Variants in ASIC2 observed in about 807,000 individuals in gnomAD.
ASIC2 encodes the protein acid-sensing ion channel 2.
In ASIC2, 25 loss-of-function variants were observed where a neutral mutation model predicts 57.3. That is an observed-to-expected ratio of 0.44 (90% CI 0.32 to 0.61). The LOEUF (loss-of-function observed/expected upper bound fraction) is 0.61. Among genes scored for constraint, ASIC2 ranks in the 20% least tolerant of loss-of-function variants. ASIC2 has a pLI of 0.06. For missense variants in ASIC2, 641 were observed against 738.1 expected (o/e 0.87, Z 1.52); for synonymous variants, 319 against 307.5 (o/e 1.04, Z -0.39).
chr17:33,200,449 G>A (rs1461569997), intron 1 of ASIC2, among the ~76,000 whole-genome samples: 1 of 152,190 alleles, frequency 6.6e-6, no homozygotes, highest in Non-Finnish European at 1.5e-5. Context: ...TCACTCGGAT[G>A]TTCAAGCCTG....
chr17:33,972,634 A>C (rs1386179089), intron 1 of ASIC2, among the ~76,000 whole-genome samples: 2 of 152,246 alleles, frequency 1.3e-5, no homozygotes, highest in Non-Finnish European at 2.9e-5. Flanking sequence ...CCTCAAGCTA[A>C]GGTGTGAAAA....
intron 1 of ASIC2, among the ~76,000 whole-genome samples, chr17:33,742,068 G>A (rs1007647667): frequency 2.6e-5 from 4 of 152,226 alleles, no homozygotes; most frequent in African/African-American, 9.6e-5. Context: ...AATGGGGCCT[G>A]CATATAGTCC....
intron 1 of ASIC2, among the ~76,000 whole-genome samples, chr17:33,497,490 A>G (rs1032383412): frequency 1.1e-4 from 16 of 152,058 alleles, no homozygotes; most frequent in Non-Finnish European, 2.2e-4. Flanking sequence ...ACCTCGAAGG[A>G]AAGAGCTGGC....
At chr17:34,054,976 A>G (rs1022118351) in intron 1 of ASIC2, among the ~76,000 whole-genome samples, 10 of 152,244 alleles carry the variant, frequency 6.6e-5, no homozygotes, top group African/African-American at 2.4e-4. Context: ...ATGGAAGAAG[A>G]GAGGTCCATC....
chr17:33,143,161 C>G (rs1959398457), intron 1 of ASIC2, among the ~76,000 whole-genome samples: 1 of 152,148 alleles, frequency 6.6e-6, no homozygotes. Context: ...AGGTAGGTTG[C>G]TTAGACCGCT....
chr17:33,353,953 G>T (rs924910307), intron 1 of ASIC2, among the ~76,000 whole-genome samples: 3 of 152,158 alleles, frequency 2.0e-5, no homozygotes, highest in Non-Finnish European at 4.4e-5. Flanking sequence ...AAGGAAATAG[G>T]TTTAATGGAC....
intron 1 of ASIC2, among the ~76,000 whole-genome samples, chr17:33,903,708 G>A (rs75147330): frequency 6.6e-6 from 1 of 152,118 alleles, no homozygotes; most frequent in African/African-American, 2.4e-5. Context: ...AACAACCAGG[G>A]GTTTGGACAT....
chr17:33,280,466 TACAA>T (rs1255379296), intron 1 of ASIC2, among the ~76,000 whole-genome samples: 2 of 152,148 alleles, frequency 1.3e-5, no homozygotes, highest in African/African-American at 4.8e-5. Flanking sequence ...CCAAGTACCA[TACAA>T]ACATAGAGCT....
intron 1 of ASIC2, among the ~76,000 whole-genome samples, chr17:33,382,763 A>G (rs1344382472): frequency 1.3e-5 from 2 of 152,216 alleles, no homozygotes; most frequent in African/African-American, 4.8e-5. Context: ...CGTCATCTTC[A>G]TCTGTTCATG....
chr17:33,951,066 C>A (rs1416387562), intron 1 of ASIC2, among the ~76,000 whole-genome samples: 1 of 152,182 alleles, frequency 6.6e-6, no homozygotes, highest in Non-Finnish European at 1.5e-5. Context: ...GTCAATTAAT[C>A]TCTTTATCTC....
intron 1 of ASIC2, among the ~76,000 whole-genome samples, chr17:33,897,972 C>T (rs570556356): frequency 6.4e-4 from 97 of 152,232 alleles, no homozygotes; most frequent in East Asian, 2.7e-3. Flanking sequence ...ACTAGTTATC[C>T]TCAAACTGAA....
At chr17:33,342,508 T>C (rs1302498077) in intron 1 of ASIC2, among the ~76,000 whole-genome samples, 2 of 152,158 alleles carry the variant, frequency 1.3e-5, no homozygotes, top group African/African-American at 4.8e-5. Flanking sequence ...TTCTATTACC[T>C]GATGTTGCTA....
chr17:33,829,705 G>T (rs1057290830), intron 1 of ASIC2, among the ~76,000 whole-genome samples: 2 of 151,730 alleles, frequency 1.3e-5, no homozygotes, highest in African/African-American at 2.4e-5. Context: ...GCCTCCTGAG[G>T]GATTACAGGC....
intron 1 of ASIC2, among the ~76,000 whole-genome samples, chr17:33,119,985 T>C (rs1597587577): frequency 6.6e-6 from 1 of 152,316 alleles, no homozygotes; most frequent in East Asian, 1.9e-4. Flanking sequence ...CTCCGTCTGT[T>C]AAGGCTCACA....
At chr17:33,941,265 A>C (rs538862223) in intron 1 of ASIC2, among the ~76,000 whole-genome samples, 1 of 152,240 alleles carries the variant, frequency 6.6e-6, no homozygotes, top group South Asian at 2.1e-4. Context: ...CAGACAGGAG[A>C]GTCTTTCAGA....
chr17:33,876,535 A>G (rs984187101), intron 1 of ASIC2, among the ~76,000 whole-genome samples: 1 of 152,230 alleles, frequency 6.6e-6, no homozygotes, highest in African/African-American at 2.4e-5. Context: ...ACTTGATTGT[A>G]CTATCTCCAT....
At chr17:33,933,008 C>T (rs537170074) in intron 1 of ASIC2, among the ~76,000 whole-genome samples, 57 of 152,138 alleles carry the variant, frequency 3.7e-4, no homozygotes, top group African/African-American at 1.4e-3. Flanking sequence ...CTTCTGATTC[C>T]TTCCTCAAGA....
chr17:33,691,476 A>G lies in ASIC2; in HGVS notation c.555+464502T>C, dbSNP rs1908366565. ...CATTTCTATTTCTCTTCTGATTGAG[A>G]TCAATCATGTTTGCACATTTGTAAG... On this transcript the variant is annotated intron_variant, in intron 1 of 9. Coordinates refer to the ASIC2 transcript ENST00000359872. 1.3e-5 allele frequency among the ~76,000 whole-genome samples: 2 copies of G among 152,198 alleles called. 1 individual carries two copies. The highest frequency in any genetic ancestry group is 2.9e-5 in the Non-Finnish European group (2 of 68,042).
intron 3 of ASIC2, among the ~76,000 whole-genome samples, chr17:33,077,063 C>T (rs1035153764): frequency 6.6e-6 from 1 of 152,084 alleles, no homozygotes; most frequent in African/African-American, 2.4e-5. Flanking sequence ...TTCCCCTCAA[C>T]AGCTGTCCCA....
Sources: gnomAD v4.1 joint callset for allele counts (sites outside exome capture counted in the v4.1 genomes callset) on GRCh38, gnomAD v4.1.1 for gene constraint, MANE v1.5 for transcripts, NCBI Gene and HGNC (gene_info 2026-07-23, HGNC 2026-07-21) for gene names.